The following MYRF variants were observed in gnomAD, a reference collection of about 807,000 sequenced individuals.
MYRF encodes the protein myelin gene regulatory factor.
A neutral mutation model predicts 126.3 loss-of-function variants in MYRF; 16 were observed. The ratio of observed to expected loss-of-function variants is 0.13; its 90% CI spans 0.09 to 0.19. The LOEUF is 0.19. Among genes scored for constraint, MYRF ranks in the 10% least tolerant of loss-of-function variants. MYRF has a pLI of 1.00. For synonymous variants in MYRF, 608 were observed against 635.3 expected (o/e 0.96, Z 0.65); for missense variants, 1,104 against 1,547.0 (o/e 0.71, Z 4.80).
At chr11:61,768,033 G>A (rs540631823) in intron 3 of MYRF, among the ~76,000 whole-genome samples, 28 of 151,178 alleles carry the variant, frequency 1.9e-4, no homozygotes, top group Admixed American at 4.0e-4. Flanking sequence ...CACAAGAATC[G>A]TTTGAACCTG....
Position 61,777,507 on chromosome 11 carries a change from A to T in MYRF, c.1791+43A>T. On this transcript the variant is annotated intron_variant, in intron 12 of 26. Coordinates refer to ENST00000278836, the MANE Select transcript of MYRF (RefSeq NM_001127392.3). The surrounding 1 kb of genome is among the most constrained non-coding windows in gnomAD (Gnocchi z 8.8). ...GGGGCCGGGCGGGTCCAGACGCTGG[A>T]GCGGGCCGCGGGGGCGGGGCTCCTG... 6 of 1,371,338 alleles carry T rather than the reference A, an allele frequency of 4.4e-6. No individual in the cohort carries two copies. The highest frequency in any genetic ancestry group is 5.9e-6 in the Non-Finnish European group (6 of 1,018,644). The allele number at this position is 1,371,338 out of a possible 1,614,324, so 84.9% of individuals were successfully genotyped here. A position where few individuals can be genotyped will look rare whatever the true frequency, so the allele number is the denominator to read the frequency against.
chr11:61,766,250 C>CAGCG, intron 3 of MYRF, 29 bp downstream of exon 3: 1 of 1,575,072 alleles, frequency 6.3e-7, no homozygotes, highest in Non-Finnish European at 8.6e-7. Flanking sequence ...TAGGGGGATA[C>CAGCG]AGCGGCATAG....
At chr11:61,761,858 C>T (rs935422449) in intron 1 of MYRF, among the ~76,000 whole-genome samples, 19 of 152,378 alleles carry the variant, frequency 1.2e-4, no homozygotes, top group African/African-American at 4.6e-4. Context: ...TCAATATGAG[C>T]CATGTAAAGT....
At chr11:61,756,932 G>A (rs1030640298) in intron 1 of MYRF, among the ~76,000 whole-genome samples, 1 of 152,128 alleles carries the variant, frequency 6.6e-6, no homozygotes, top group African/African-American at 2.4e-5. Flanking sequence ...GGAGGGCCCT[G>A]GCAGCAGAGG....
In MYRF at chr11:61,757,002, CCT is replaced by C. The variant is rs1470125489; in HGVS notation, c.46+4213_46+4214del. On this transcript the variant is annotated intron_variant, in intron 1 of 26. Transcript: ENST00000278836. The surrounding 1 kb of genome is among the most constrained non-coding windows in gnomAD (Gnocchi z 4.7). Reference sequence around the variant, plus strand: ...GCTGCCACCCTTGGACTTTGCCCTCCCTGATAAGGAACTGGGAGCAGAAATTA... The same window carrying C: ...GCTGCCACCCTTGGACTTTGCCCTCCGATAAGGAACTGGGAGCAGAAATTA... The C allele has an allele frequency of 2.7e-6, 1 of 372,640 alleles. No individual in the cohort carries two copies. The highest frequency in any genetic ancestry group is 5.4e-6 in the Non-Finnish European group (1 of 184,656). 23.1% of individuals were successfully genotyped at this position (372,640 alleles called of 1,614,324 possible).
chr11:61,752,940 G>A, intron 1 of MYRF, 150 bp downstream of exon 1: 3 of 704,186 alleles, frequency 4.3e-6, no homozygotes, highest in Non-Finnish European at 4.3e-6. Flanking sequence ...ACAGGCTCCC[G>A]GGGCTGGGAG....
At chr11:61,772,379 A>T (rs534327343) in intron 7 of MYRF, among the ~76,000 whole-genome samples, 2 of 152,088 alleles carry the variant, frequency 1.3e-5, no homozygotes, top group South Asian at 4.2e-4. Flanking sequence ...CCCCCTCAAC[A>T]CCCAGATGGC....
Position 61,770,233 on chromosome 11 carries a change from A to G in MYRF, c.461-13A>G. Reference sequence around the variant, plus strand: ...GTTGGTCTCAGATGCCCGCTCCCCCATCTCTCCTGCAGAGCCCCACCTCCT... The same window carrying G: ...GTTGGTCTCAGATGCCCGCTCCCCCGTCTCTCCTGCAGAGCCCCACCTCCT... On this transcript the variant is annotated splice_polypyrimidine_tract_variant and intron_variant, in intron 4 of 26. Transcript: ENST00000278836. The G allele has an allele frequency of 1.3e-6, 2 of 1,587,582 alleles. No homozygotes were observed. The highest frequency in any genetic ancestry group is 1.7e-6 in the Non-Finnish European group (2 of 1,167,714).
rs532075194 is a variant in MYRF, at chr11:61,788,298, A to G, written c.*2155A>G. The stretch of plus-strand genomic sequence containing the variant: ...GCAAATCCTCCTGCCCATACCGTGC[A>G]CCCTTAGAAGCCTGCGTGTGCATAG... On this transcript the variant is annotated 3_prime_UTR_variant, in exon 27 of 27. Transcript: ENST00000278836. 2 of 152,252 alleles carry G rather than the reference A, an allele frequency of 1.3e-5. No homozygotes were observed. Among genetic ancestry groups the G allele is most frequent in the South Asian group, 4.2e-4 (2 of 4,804 alleles). The allele number at this position is 152,252 out of a possible 1,614,324, so 9.4% of individuals were successfully genotyped here. A position where few individuals can be genotyped will look rare whatever the true frequency, so the allele number is the denominator to read the frequency against.
Position 61,769,268 on chromosome 11 carries a change from C to G in MYRF, c.407C>G (p.Pro136Arg). 6.2e-7 allele frequency: 1 copy of G among 1,604,448 alleles called. No homozygotes were observed. Among genetic ancestry groups the G allele is most frequent in the Non-Finnish European group, 8.5e-7 (1 of 1,176,078 alleles). Residue 136 changes from proline to arginine, a missense_variant, in exon 4 of 27, where the codon CCG (proline) becomes CGG (arginine). Physicochemically the swap from Pro to Arg is moderately radical, Grantham distance 103. Transcript: ENST00000278836. ...PKAPYAPGTL[P>R]DSPPDSGSEA... is the part of the protein sequence containing the mutation. ...TCCCCTGGCTCTCGCAGCACACTGCCGGACTCTCCCCCAGACTCGGGCTCC... is the reference window on the plus strand; with the variant it reads ...TCCCCTGGCTCTCGCAGCACACTGCGGGACTCTCCCCCAGACTCGGGCTCC...
intron 22 of MYRF, chr11:61,782,819 A>G (rs2066588240): frequency 6.6e-6 from 1 of 152,318 alleles, no homozygotes; most frequent in Non-Finnish European, 1.5e-5. Context: ...GGTGTCCTGG[A>G]TCCTGTTGGG....
At chr11:61,784,147 T>A (rs185408959) in intron 24 of MYRF, 133 bp from the exon 25 acceptor site, 1 of 1,009,418 alleles carries the variant, frequency 9.9e-7, no homozygotes, top group Non-Finnish European at 1.5e-6. Context: ...AAGGTTTTGT[T>A]CGAGGGCCCT....
rs746610136 is a variant in MYRF, at chr11:61,770,345, GC to G, written c.566del (p.Pro189ArgfsTer19). ...HPPPPPAHLPGPPPPPPPPPH... is the reference protein window; with the variant it reads ...HPPPPPAHLPXPPPPPPPPPH... ...CCCCCACCTCCAGCCCACTTGCCAG[GC>G]CCCCCGCCACCCCCACCACCCCCAC... On this transcript the variant is annotated frameshift_variant, in exon 5 of 27. Coordinates refer to ENST00000278836, the MANE Select transcript of MYRF (RefSeq NM_001127392.3). LOFTEE classifies it high-confidence loss of function. 6.6e-7 allele frequency: 1 copy of G among 1,504,800 alleles called. No homozygotes were observed. The highest frequency in any genetic ancestry group is 9.0e-7 in the Non-Finnish European group (1 of 1,109,460). 93.2% of individuals were successfully genotyped at this position (1,504,800 alleles called of 1,614,324 possible). A position where few individuals can be genotyped will look rare whatever the true frequency, so the allele number is the denominator to read the frequency against.
intron 5 of MYRF, among the ~76,000 whole-genome samples, chr11:61,770,787 A>G (rs2066195963): frequency 6.6e-6 from 1 of 152,036 alleles, no homozygotes; most frequent in South Asian, 2.1e-4. Flanking sequence ...TGATGGGGGA[A>G]ATGTCCCGTC....
In MYRF at chr11:61,770,167, A is replaced by C. The variant is rs530962031; in HGVS notation, c.461-79A>C. 2.6e-3 allele frequency: 3,568 copies of C among 1,361,678 alleles called. 14 individuals carry two copies. Among genetic ancestry groups the C allele is most frequent in the Non-Finnish European group, 2.9e-3 (2,974 of 1,021,066 alleles). The allele number at this position is 1,361,678 out of a possible 1,614,324, so 84.3% of individuals were successfully genotyped here. ...GCTCAGGACGGGGTGGAAGCAGGAGACTCTGCCTTGGGGAGGACAGTGCCC... is the reference window on the plus strand; with the variant it reads ...GCTCAGGACGGGGTGGAAGCAGGAGCCTCTGCCTTGGGGAGGACAGTGCCC... On this transcript the variant is annotated intron_variant, in intron 4 of 26. Coordinates refer to ENST00000278836, the MANE Select transcript of MYRF (RefSeq NM_001127392.3).
chr11:61,761,797 T>A (rs2065908603), intron 1 of MYRF, among the ~76,000 whole-genome samples: 1 of 152,262 alleles, frequency 6.6e-6, no homozygotes, highest in Non-Finnish European at 1.5e-5. Context: ...TTTCCTCATC[T>A]ATAAAATGAA....
chr11:61,783,289 A>C lies in MYRF; in HGVS notation c.3017-209A>C, dbSNP rs1046159136. ...TCTGGGTGTTCCAGTTCTTTTGAGG[A>C]GGCAGACGTCAGGCTCATGGGAACT... On this transcript the variant is annotated intron_variant, in intron 22 of 26. Transcript: ENST00000278836. This position sits in a 1 kb window ranked among gnomAD's most constrained non-coding sequence, Gnocchi z 4.6. 8 of 459,688 alleles carry C rather than the reference A, an allele frequency of 1.7e-5. No homozygotes were observed. Among genetic ancestry groups the C allele is most frequent in the Non-Finnish European group, 3.2e-5 (8 of 252,768 alleles). The allele number at this position is 459,688 out of a possible 1,614,324, so 28.5% of individuals were successfully genotyped here. A position where few individuals can be genotyped will look rare whatever the true frequency, so the allele number is the denominator to read the frequency against.
chr11:61,763,038 G>A (rs1591085805), intron 1 of MYRF, among the ~76,000 whole-genome samples: 2 of 152,270 alleles, frequency 1.3e-5, no homozygotes, highest in East Asian at 3.9e-4. Flanking sequence ...AGGAGAGGAG[G>A]GGGCTGGGTC....
At chr11:61,767,813 CAAAAAA>C (rs35214869) in intron 3 of MYRF, among the ~76,000 whole-genome samples, 1 of 64,916 alleles carries the variant, frequency 1.5e-5, no homozygotes, top group Non-Finnish European at 2.8e-5. Context: ...GACCCTGTCT[CAAAAAA>C]AAAAAAAAAA....
Sources: allele counts gnomAD v4.1 joint callset (sites outside exome capture counted in the v4.1 genomes callset), GRCh38; gene constraint gnomAD v4.1.1; non-coding constraint Gnocchi (gnomAD v3.1); transcripts MANE v1.5; gene names NCBI Gene and HGNC (gene_info 2026-07-23, HGNC 2026-07-21).